The following CDHR5 variants were observed in gnomAD, a reference collection of about 807,000 sequenced individuals.
CDHR5 encodes cadherin related family member 5.
A neutral mutation model predicts 69.5 loss-of-function variants in CDHR5; 82 were observed. The ratio of observed to expected loss-of-function variants is 1.18; its 90% CI spans 0.99 to 1.42. CDHR5 has a LOEUF of 1.42. Among genes scored for constraint, CDHR5 ranks in the 40% most tolerant of loss-of-function variants. The probability of loss-of-function intolerance (pLI) is 0.00; values close to 1 mark genes in which losing one functional copy is unlikely to be tolerated. For synonymous variants in CDHR5, 601 were observed against 510.2 expected, an observed-to-expected ratio of 1.18 and a Z score of -2.40; for missense variants, 1,293 against 1,168.9, an observed-to-expected ratio of 1.11 and a Z score of -1.55.
Position 618,158 on chromosome 11 carries a change from C to T in CDHR5, c.1961-47G>A, listed in dbSNP as rs752868401. On this transcript the variant is annotated intron_variant, in intron 13 of 14. Transcript: ENST00000397542. ...TCATCATCCCCGCACTGTTGAGTGC[C>T]CCAGGCATTTCCCATGCCAACCTGT... 8 of 1,518,410 alleles carry T rather than the reference C, an allele frequency of 5.3e-6. No individual in the cohort carries two copies. The South Asian group carries it at 8.4e-5, about 16-fold the overall frequency. 94.1% of individuals were successfully genotyped at this position (1,518,410 alleles called of 1,614,324 possible).
intron 3 of CDHR5, among the ~76,000 whole-genome samples, chr11:622,502 C>T (rs1166415750): frequency 1.3e-5 from 2 of 151,752 alleles, no homozygotes; most frequent in African/African-American, 2.4e-5. Flanking sequence ...TGTCGTCACC[C>T]AGGCTGGAGT....
intron 14 of CDHR5, 42 bp from the exon 15 acceptor site, chr11:617,812 C>T (rs2133177061): frequency 6.8e-7 from 1 of 1,461,648 alleles, no homozygotes; most frequent in Non-Finnish European, 9.0e-7. Context: ...CCCTGGGTCT[C>T]TGCAGCCTTG....
chr11:617,894 T>G, intron 14 of CDHR5, 60 bp downstream of exon 14: 1 of 1,563,214 alleles, frequency 6.4e-7, no homozygotes, highest in East Asian at 2.3e-5. Flanking sequence ...TCCCCTCTCC[T>G]GTCCCCCGTC....
At chr11:620,917 G>A (rs1381221982) in intron 7 of CDHR5, among the ~76,000 whole-genome samples, 163 bp downstream of exon 7, 1 of 152,170 alleles carries the variant, frequency 6.6e-6, no homozygotes, top group Non-Finnish European at 1.5e-5. Context: ...AAGATGGGAA[G>A]GGTTGGTTTA....
intron 12 of CDHR5, 36 bp from the exon 13 acceptor site, chr11:619,216 C>G: frequency 6.8e-7 from 1 of 1,475,666 alleles, no homozygotes; most frequent in Non-Finnish European, 9.2e-7. Flanking sequence ...CTTGCCTCTG[C>G]CCGCCCCTTG....
In CDHR5 at chr11:619,709, C is replaced by T. The variant is rs1311063862; in HGVS notation, c.1151G>A (p.Arg384Lys). Residue 384 changes from arginine to lysine, a missense_variant, in exon 10 of 15, where the codon AGG (arginine) becomes AAG (lysine). By Grantham distance (26) the Arg-to-Lys change is conservative. Transcript: ENST00000397542. ...GAACTCCGGGTCCTGAGCCTGGATC[C>T]TCAGAGGCTGAGAAGGGGCAGCTGC... ...KDAAAPSQPL[R>K]IQAQDPEFSD... The T allele has an allele frequency of 3.7e-6, 6 of 1,613,142 alleles. No individual in the cohort carries two copies. Among genetic ancestry groups the T allele is most frequent in the African/African-American group, 2.7e-5 (2 of 74,936 alleles).
Position 621,969 on chromosome 11 carries a change from G to T in CDHR5, c.313-65C>A. ...CCGTTGTGAGGTGCACCCCTCGACG[G>T]CTATCCGTCCCCACCGTGAGTGAGG... On this transcript the variant is annotated intron_variant, in intron 3 of 14. Transcript: ENST00000397542. The surrounding 1 kb of genome is among the most constrained non-coding windows in gnomAD (Gnocchi z 4.4). 7.7e-7 allele frequency: 1 copy of T among 1,305,542 alleles called. No individual in the cohort carries two copies. Among genetic ancestry groups the T allele is most frequent in the Non-Finnish European group, 1.1e-6 (1 of 923,914 alleles). 80.9% of individuals were successfully genotyped at this position (1,305,542 alleles called of 1,614,324 possible).
Position 618,812 on chromosome 11 carries a change from G to T in CDHR5, c.1747C>A (p.Pro583Thr). Residue 583 changes from proline to threonine, a missense_variant, in exon 13 of 15, where the codon CCC (proline) becomes ACC (threonine). By Grantham distance (38) the Pro-to-Thr change is conservative. Coordinates refer to ENST00000397542, the MANE Select transcript of CDHR5 (RefSeq NM_021924.5). ...GAGGTGCTGGTTCCCATACTGGGGG[G>T]CATCGGCTGAGAGGTTCCTGGCTCT... ...TPEPGTSQPMPPSMGTSTSHQ... is the reference protein window; with the variant it reads ...TPEPGTSQPMTPSMGTSTSHQ... 6.2e-7 allele frequency: 1 copy of T among 1,611,652 alleles called. No individual in the cohort carries two copies. Among genetic ancestry groups the T allele is most frequent in the Non-Finnish European group, 8.5e-7 (1 of 1,179,508 alleles).
intron 13 of CDHR5, 122 bp downstream of exon 13, chr11:618,477 C>T (rs1336723843): frequency 7.5e-6 from 9 of 1,207,494 alleles, no homozygotes; most frequent in Non-Finnish European, 1.1e-5. Context: ...CAGTCCCAAA[C>T]AGACTCCTCT....
chr11:621,307 C>G lies in CDHR5; in HGVS notation c.618+38G>C, dbSNP rs1358415844. The G allele has an allele frequency of 1.2e-6, 2 of 1,611,850 alleles. No homozygotes were observed. Among genetic ancestry groups the G allele is most frequent in the Non-Finnish European group, 1.7e-6 (2 of 1,178,778 alleles). On this transcript the variant is annotated intron_variant, in intron 6 of 14. Coordinates refer to ENST00000397542, the MANE Select transcript of CDHR5 (RefSeq NM_021924.5). This position sits in a 1 kb window ranked among gnomAD's most constrained non-coding sequence, Gnocchi z 4.4. ...GGGAGCAGCTGGGGCCGGGGGGCCT[C>G]AAGTGTGTGGGACTCGGGGCTGGGG...
chr11:623,872 C>T (rs1857558580), intron 3 of CDHR5, among the ~76,000 whole-genome samples: 1 of 151,748 alleles, frequency 6.6e-6, no homozygotes, highest in Admixed American at 6.6e-5. Flanking sequence ...ACAGATTTAC[C>T]AGTGGGGGGC....
rs970288009 is a variant in CDHR5 at position 617,185 on chromosome 11, T to C, written c.*166A>G. 3.2e-6 allele frequency: 2 copies of C among 616,860 alleles called. No homozygotes were observed. Among genetic ancestry groups the C allele is most frequent in the Non-Finnish European group, 5.8e-6 (2 of 342,502 alleles). The allele number at this position is 616,860 out of a possible 1,614,324, so 38.2% of individuals were successfully genotyped here. ...CATCTGCACACCTGGGCTCAAGCGC[T>C]AATGACGACAGGGGACTGAGTGAAT... is the stretch of plus-strand genomic sequence containing the variant. On this transcript the variant is annotated 3_prime_UTR_variant, in exon 15 of 15. Transcript: ENST00000397542.
In CDHR5 at chr11:621,395, G is replaced by T. The variant is rs201504740; in HGVS notation, c.568C>A (p.Pro190Thr). 1.0e-4 allele frequency: 169 copies of T among 1,612,976 alleles called. No homozygotes were observed. The East Asian group carries it at 3.7e-3, about 35-fold the overall frequency. Residue 190 changes from proline to threonine, a missense_variant, in exon 6 of 15, where the codon CCC (proline) becomes ACC (threonine). Transcript: ENST00000397542. The surrounding 1 kb of genome is among the most constrained non-coding windows in gnomAD (Gnocchi z 4.4). The stretch of plus-strand genomic sequence containing the variant: ...TTCGGCCGCTCGTAGAAGTCCAGGG[G>T]CCGGTCCAGCCTCAGGGCGGGACGG... ...VNRPALRLDR[P>T]LDFYERPNMT...
rs919427153 is a variant in CDHR5, at chr11:624,340, G to C, written c.262-77C>G. ...ACTGAGGCCAAGTGGGCAGGCGCTG[G>C]CCCAGGGTCCCCATCATCAGTGGTC... On this transcript the variant is annotated intron_variant, in intron 2 of 14. Transcript: ENST00000397542. This position sits in a 1 kb window ranked among gnomAD's most constrained non-coding sequence, Gnocchi z 5.3. 1.8e-5 allele frequency: 13 copies of C among 730,414 alleles called. No individual in the cohort carries two copies. The highest frequency in any genetic ancestry group is 3.3e-5 in the Non-Finnish European group (13 of 394,308). The allele number at this position is 730,414 out of a possible 1,614,324, so 45.2% of individuals were successfully genotyped here.
chr11:618,447 T>A, intron 13 of CDHR5, 152 bp downstream of exon 13: 1 of 948,302 alleles, frequency 1.1e-6, no homozygotes, highest in Non-Finnish European at 1.6e-6. Context: ...ACTGGGGGCC[T>A]TGGGCCTGTC....
In CDHR5 at chr11:624,570, G is replaced by C; in HGVS notation, c.248C>G (p.Thr83Ser). The change falls in exon 2 of 15, where the codon ACT (threonine) becomes AGT (serine). Residue 83 changes from threonine to serine, a missense_variant. Thr to Ser is a moderately conservative substitution (Grantham distance 58). Transcript: ENST00000397542. This position sits in a 1 kb window ranked among gnomAD's most constrained non-coding sequence, Gnocchi z 5.3. ...IQGNQLFLNVTPDYEEKSLLE... is the reference protein window; with the variant it reads ...IQGNQLFLNVSPDYEEKSLLE... Reference sequence around the variant, plus strand: ...TGCCGCCCACACCTCGTAATCAGGAGTCACGTTGAGAAACAGCTGGTTTCC... The same window carrying C: ...TGCCGCCCACACCTCGTAATCAGGACTCACGTTGAGAAACAGCTGGTTTCC... The C allele has an allele frequency of 1.2e-6, 2 of 1,607,412 alleles. No homozygotes were observed. Among genetic ancestry groups the C allele is most frequent in the Non-Finnish European group, 1.7e-6 (2 of 1,175,422 alleles).
rs773475855 is a variant in CDHR5, at chr11:618,817, G to A, written c.1742C>T (p.Pro581Leu). Reference sequence around the variant, plus strand: ...GCTGGTTCCCATACTGGGGGGCATCGGCTGAGAGGTTCCTGGCTCTGGGGT... The same window carrying A: ...GCTGGTTCCCATACTGGGGGGCATCAGCTGAGAGGTTCCTGGCTCTGGGGT... The part of the protein sequence containing the change: ...AQTPEPGTSQ[P>L]MPPSMGTSTS... The change falls in exon 13 of 15, where the codon CCG (proline) becomes CTG (leucine). Residue 581 changes from proline to leucine, a missense_variant. Physicochemically the swap from Pro to Leu is moderately conservative, Grantham distance 98. Coordinates refer to ENST00000397542, the MANE Select transcript of CDHR5 (RefSeq NM_021924.5). The A allele has an allele frequency of 9.9e-6, 16 of 1,611,150 alleles. No homozygotes were observed. Among genetic ancestry groups the A allele is most frequent in the African/African-American group, 1.4e-5 (1 of 73,370 alleles).
intron 7 of CDHR5, 99 bp downstream of exon 7, chr11:620,981 T>TGACCCC (rs201835907): frequency 0.041 from 15,444 of 376,556 alleles, 359 homozygotes; most frequent in Middle Eastern, 0.099. Context: ...CCCCACCCCC[T>TGACCCC]GACCCCGACC....
intron 11 of CDHR5, 29 bp from the exon 12 acceptor site, chr11:619,419 A>G (rs1857216248): frequency 2.5e-6 from 4 of 1,608,422 alleles, no homozygotes; most frequent in Non-Finnish European, 2.6e-6. Flanking sequence ...TGTCCCTCCT[A>G]GACACATCTT....
Sources: gnomAD v4.1 joint callset for allele counts (sites outside exome capture counted in the v4.1 genomes callset) on GRCh38, gnomAD v4.1.1 for gene constraint, Gnocchi (gnomAD v3.1) non-coding constraint, MANE v1.5 for transcripts, NCBI Gene and HGNC (gene_info 2026-07-23, HGNC 2026-07-21) for gene names.